GIGYF2: variants seen among roughly 807,000 people sequenced by gnomAD.
The protein encoded by GIGYF2 is GRB10 interacting GYF protein 2.
GIGYF2 carries 25 observed loss-of-function variants against 208.1 expected under a neutral mutation model. That is an observed-to-expected ratio of 0.12 (90% CI 0.09 to 0.17). The LOEUF (loss-of-function observed/expected upper bound fraction) is 0.17. Ranked by LOEUF, GIGYF2 falls within the 10% of genes least tolerant of loss-of-function variation. The pLI, the probability that GIGYF2 is intolerant of heterozygous loss-of-function variation, is 1.00. For synonymous variants in GIGYF2, 534 were observed against 543.8 expected, an observed-to-expected ratio of 0.98 and a Z score of 0.25; for missense variants, 1,302 against 1,579.4, an observed-to-expected ratio of 0.82 and a Z score of 2.98.
chr2:232,859,153 C>T lies in GIGYF2; in HGVS notation c.*2293C>T, dbSNP rs948151824. The stretch of plus-strand genomic sequence containing the variant: ...TTTGTTTCTGTCTCTCTCAATGCTA[C>T]TCTCTTTCATATTCTCATTTGCTCA... On this transcript the variant is annotated 3_prime_UTR_variant, in exon 29 of 29. Coordinates refer to ENST00000373563, the MANE Select transcript of GIGYF2 (RefSeq NM_001103146.3). 6.6e-6 allele frequency: 1 copy of T among 152,028 alleles called. No homozygotes were observed. The highest frequency in any genetic ancestry group is 1.5e-5 in the Non-Finnish European group (1 of 68,048). 9.4% of individuals were successfully genotyped at this position (152,028 alleles called of 1,614,324 possible).
At chr2:232,761,546 G>A (rs988993003) in intron 8 of GIGYF2, 110 bp downstream of exon 8, 21 of 698,584 alleles carry the variant, frequency 3.0e-5, no homozygotes, top group Admixed American at 4.3e-5. Flanking sequence ...AAACTTCCAC[G>A]GTTATTTGAA....
chr2:232,753,591 A>G (rs1467071438), intron 5 of GIGYF2, among the ~76,000 whole-genome samples: 1 of 152,176 alleles, frequency 6.6e-6, no homozygotes, highest in Non-Finnish European at 1.5e-5. Context: ...TCTAAGAGAT[A>G]ATGGCATACT....
At chr2:232,702,436 C>T (rs917093138) in intron 1 of GIGYF2, among the ~76,000 whole-genome samples, 1 of 151,562 alleles carries the variant, frequency 6.6e-6, no homozygotes, top group South Asian at 2.1e-4. Flanking sequence ...GAGACTCTGT[C>T]TCCAAAAAAA....
intron 1 of GIGYF2, among the ~76,000 whole-genome samples, chr2:232,698,047 C>T (rs1374564659): frequency 6.6e-6 from 1 of 152,128 alleles, no homozygotes; most frequent in Non-Finnish European, 1.5e-5. Context: ...CCTTGGGGAC[C>T]CAAATGTTCA....
chr2:232,721,203 C>T (rs905575033), intron 2 of GIGYF2, among the ~76,000 whole-genome samples: 1 of 152,142 alleles, frequency 6.6e-6, no homozygotes, highest in Non-Finnish European at 1.5e-5. Context: ...TTCCTGAGAC[C>T]TGCCAATTCC....
intron 20 of GIGYF2, among the ~76,000 whole-genome samples, chr2:232,819,163 C>T (rs1345435641): frequency 6.6e-6 from 1 of 152,082 alleles, no homozygotes; most frequent in Non-Finnish European, 1.5e-5. Context: ...AAAAAAGATC[C>T]ATGCTGAGAT....
At chr2:232,766,940 T>A (rs1698989878) in intron 8 of GIGYF2, 1 of 152,200 alleles carries the variant, frequency 6.6e-6, no homozygotes. Flanking sequence ...GGGTGACTTT[T>A]TTGGTTTTTG....
Position 232,735,360 on chromosome 2 carries a change from G to C in GIGYF2, c.41+122G>C, listed in dbSNP as rs1031559680. ...TTGAAACTTTTGCTTTATGTGCCTC[G>C]CTGAAAACAATGTGTTAGTTCAGGA... is the stretch of plus-strand genomic sequence containing the variant. On this transcript the variant is annotated intron_variant, in intron 3 of 28. Coordinates refer to ENST00000373563, the MANE Select transcript of GIGYF2 (RefSeq NM_001103146.3). 4.1e-6 allele frequency: 3 copies of C among 726,924 alleles called. No individual in the cohort carries two copies. In the African/African-American group the frequency reaches 5.3e-5, roughly 13 times the overall value. 45.0% of individuals were successfully genotyped at this position (726,924 alleles called of 1,614,324 possible). A position where few individuals can be genotyped will look rare whatever the true frequency, so the allele number is the denominator to read the frequency against.
intron 2 of GIGYF2, among the ~76,000 whole-genome samples, chr2:232,727,081 C>T (rs913222064): frequency 6.6e-6 from 1 of 152,132 alleles, no homozygotes; most frequent in East Asian, 1.9e-4. Flanking sequence ...TCTCATGCCT[C>T]AGCTTCCTGA....
intron 14 of GIGYF2, among the ~76,000 whole-genome samples, chr2:232,804,458 T>C (rs1371018221): frequency 6.6e-6 from 1 of 152,030 alleles, no homozygotes; most frequent in African/African-American, 2.4e-5. Flanking sequence ...TTCTGTTTTT[T>C]TGGGTAGTTT....
In GIGYF2 at chr2:232,699,939, T is replaced by C. The variant is rs527238363; in HGVS notation, c.-110+2547T>C. Among the ~76,000 whole-genome samples the C allele has an allele frequency of 9.2e-5, 14 of 152,392 alleles. No homozygotes were observed. In the East Asian group the frequency reaches 2.1e-3, roughly 23 times the overall value. On this transcript the variant is annotated intron_variant, in intron 1 of 28. Coordinates refer to ENST00000373563, the MANE Select transcript of GIGYF2 (RefSeq NM_001103146.3). Reference sequence around the variant, plus strand: ...TACCTTTCAGACTAGTTGTCTAGTCTGATACTTAATAGACATATTTTTTTG... The same window carrying C: ...TACCTTTCAGACTAGTTGTCTAGTCCGATACTTAATAGACATATTTTTTTG...
At chr2:232,764,840 G>A (rs185570266) in intron 8 of GIGYF2, among the ~76,000 whole-genome samples, 22 of 152,196 alleles carry the variant, frequency 1.4e-4, no homozygotes, top group Admixed American at 1.1e-3. Context: ...AAGTTTAGTC[G>A]TTGTTATTTG....
chr2:232,768,102 A>C, intron 8 of GIGYF2: 1 of 1,319,008 alleles, frequency 7.6e-7, no homozygotes, highest in East Asian at 2.3e-5. Context: ...TATAATTAGC[A>C]TTGAAAAAAG....
intron 5 of GIGYF2, among the ~76,000 whole-genome samples, chr2:232,753,513 C>G (rs1698412168): frequency 6.6e-6 from 1 of 152,148 alleles, no homozygotes; most frequent in African/African-American, 2.4e-5. Context: ...CCTGCCTTGA[C>G]CTCCCAAAGT....
At chr2:232,815,533 G>A (rs1700880973) in intron 18 of GIGYF2, 104 bp from the exon 19 acceptor site, 3 of 729,084 alleles carry the variant, frequency 4.1e-6, no homozygotes, top group East Asian at 2.7e-5. Flanking sequence ...GTTTGGTGGA[G>A]CTCATTTAGG....
chr2:232,803,682 T>TCCTTCACCAGTACTGTACAATC lies in GIGYF2; in HGVS notation c.1640-2809_1640-2808insCCTTCACCAGTACTGTACAATC, dbSNP rs1417159519. 4.5e-4 allele frequency among the ~76,000 whole-genome samples: 42 copies of TCCTTCACCAGTACTGTACAATC among 94,352 alleles called. 1 individual carries two copies. The highest frequency in any genetic ancestry group is 6.8e-4 in the Non-Finnish European group (32 of 47,308). The allele number at this position is 94,352 out of a possible 152,430, so 61.9% of individuals were successfully genotyped here. A position where few individuals can be genotyped will look rare whatever the true frequency, so the allele number is the denominator to read the frequency against. On this transcript the variant is annotated intron_variant, in intron 14 of 28. Coordinates refer to ENST00000373563, the MANE Select transcript of GIGYF2 (RefSeq NM_001103146.3). ...TGTTTCTATTTCTGCTTCTTTTTTTTTTTTTTTTTTTTTTTTGAGACGGAG... is the reference window on the plus strand; with the variant it reads ...TGTTTCTATTTCTGCTTCTTTTTTTTCCTTCACCAGTACTGTACAATCTTTTTTTTTTTTTTTTGAGACGGAG...
At chr2:232,835,732 A>G (rs1237066078) in intron 22 of GIGYF2, among the ~76,000 whole-genome samples, 1 of 152,136 alleles carries the variant, frequency 6.6e-6, no homozygotes, top group Non-Finnish European at 1.5e-5. Flanking sequence ...TGTTGGGGAT[A>G]TAGCACTGGG....
chr2:232,715,820 CTTT>C (rs75526495), intron 2 of GIGYF2, among the ~76,000 whole-genome samples: 5 of 143,938 alleles, frequency 3.5e-5, no homozygotes, highest in Admixed American at 6.9e-5. Flanking sequence ...GAAGAATTTC[CTTT>C]TTTTTTTTTT....
intron 22 of GIGYF2, among the ~76,000 whole-genome samples, chr2:232,836,253 C>T (rs1701586516): frequency 9.4e-6 from 1 of 106,188 alleles, no homozygotes. Context: ...ATGGTGAAAC[C>T]CCATCTCTAC....
Sources: allele counts gnomAD v4.1 joint callset (sites outside exome capture counted in the v4.1 genomes callset), GRCh38; gene constraint gnomAD v4.1.1; transcripts MANE v1.5; gene names NCBI Gene and HGNC (gene_info 2026-07-23, HGNC 2026-07-21).